The following GOLPH3L variants were observed in gnomAD, a reference collection of about 807,000 sequenced individuals.
GOLPH3L encodes Golgi phosphoprotein 3-like.
A neutral mutation model predicts 30.3 loss-of-function variants in GOLPH3L; 22 were observed. That is an observed-to-expected ratio of 0.73 (90% CI 0.52 to 1.04). GOLPH3L has a LOEUF of 1.04. Among genes scored for constraint, GOLPH3L ranks in the 50% least tolerant of loss-of-function variants. The pLI is 0.00. For synonymous variants in GOLPH3L, 120 were observed against 128.2 expected, an observed-to-expected ratio of 0.94 and a Z score of 0.43; for missense variants, 303 against 345.8, an observed-to-expected ratio of 0.88 and a Z score of 0.98.
intron 4 of GOLPH3L, among the ~76,000 whole-genome samples, chr1:150,659,572 T>C (rs1372244876): frequency 6.6e-6 from 1 of 152,174 alleles, no homozygotes; most frequent in East Asian, 1.9e-4. Context: ...AATAAATATG[T>C]GGGTAAATCT....
chr1:150,694,224 C>G, intron 2 of GOLPH3L: 1 of 406,742 alleles, frequency 2.5e-6, no homozygotes, highest in South Asian at 1.8e-5. Context: ...CTATAAGAAA[C>G]CTACCAATTG....
chr1:150,668,744 TG>T (rs1298864160), intron 2 of GOLPH3L, among the ~76,000 whole-genome samples: 3 of 152,112 alleles, frequency 2.0e-5, no homozygotes, highest in African/African-American at 7.2e-5. Context: ...GGTTAACACT[TG>T]TTTTTTTTTA....
rs1366821078 is a variant in GOLPH3L at position 150,648,102 on chromosome 1, GTTTA to G, written c.*215_*218del. On this transcript the variant is annotated 3_prime_UTR_variant, in exon 5 of 5. Transcript: ENST00000271732. ...CATTGGGTGTGTGTGGCTTCACCCA[GTTTA>G]TTTACCTATGGAGTGGAAGTGTAGG... 2.2e-6 allele frequency: 1 copy of G among 458,774 alleles called. No individual in the cohort carries two copies. The highest frequency in any genetic ancestry group is 2.0e-5 in the African/African-American group (1 of 51,052). 28.4% of individuals were successfully genotyped at this position (458,774 alleles called of 1,614,324 possible).
chr1:150,685,437 A>C (rs1478688070), intron 2 of GOLPH3L, among the ~76,000 whole-genome samples: 1 of 152,190 alleles, frequency 6.6e-6, no homozygotes, highest in East Asian at 1.9e-4. Flanking sequence ...GAATCTGGCC[A>C]GATGCAGTGG....
At chr1:150,654,733 C>G (rs1650204267) in intron 4 of GOLPH3L, among the ~76,000 whole-genome samples, 1 of 152,194 alleles carries the variant, frequency 6.6e-6, no homozygotes, top group African/African-American at 2.4e-5. Flanking sequence ...CATCCCTGTA[C>G]AATATCTGTC....
At chr1:150,657,016 AAGC>A (rs1313396154) in intron 4 of GOLPH3L, among the ~76,000 whole-genome samples, 1 of 152,200 alleles carries the variant, frequency 6.6e-6, no homozygotes, top group Non-Finnish European at 1.5e-5. Flanking sequence ...TCACCTCAAA[AAGC>A]AGAGCTTGTA....
At chr1:150,674,643 G>A (rs1650728361) in intron 2 of GOLPH3L, among the ~76,000 whole-genome samples, 2 of 151,984 alleles carry the variant, frequency 1.3e-5, no homozygotes, top group African/African-American at 4.8e-5. Context: ...GCCAAGCTGA[G>A]GCGGGAGGAT....
intron 2 of GOLPH3L, among the ~76,000 whole-genome samples, chr1:150,676,141 T>C (rs1425225228): frequency 6.6e-6 from 1 of 151,966 alleles, no homozygotes; most frequent in Non-Finnish European, 1.5e-5. Context: ...GCCTGGCTAA[T>C]TTTTGTATTT....
chr1:150,691,704 T>C (rs893261752), intron 2 of GOLPH3L, among the ~76,000 whole-genome samples: 4 of 152,212 alleles, frequency 2.6e-5, no homozygotes, highest in African/African-American at 9.6e-5. Flanking sequence ...TGATTTTGTT[T>C]ATAATTGTAC....
chr1:150,663,848 TTG>T, intron 2 of GOLPH3L, 85 bp from the exon 3 acceptor site: 2 of 1,133,930 alleles, frequency 1.8e-6, no homozygotes. Context: ...GGCCGCTTTG[TTG>T]TGATTCGTTT....
chr1:150,695,592 A>G (rs1651333789), intron 1 of GOLPH3L, among the ~76,000 whole-genome samples: 2 of 152,226 alleles, frequency 1.3e-5, no homozygotes, highest in South Asian at 4.1e-4. Flanking sequence ...TTTGTATCTA[A>G]TTTCTATAAA....
intron 4 of GOLPH3L, among the ~76,000 whole-genome samples, chr1:150,654,213 AT>A (rs1272266524): frequency 1.3e-5 from 2 of 151,992 alleles, no homozygotes; most frequent in Non-Finnish European, 2.9e-5. Flanking sequence ...AAATAAAAAA[AT>A]ATACTAGGGG....
chr1:150,693,797 A>ATATG (rs1553189135), intron 2 of GOLPH3L, among the ~76,000 whole-genome samples: 1 of 60,970 alleles, frequency 1.6e-5, no homozygotes, highest in African/African-American at 8.7e-5. Flanking sequence ...TTGTTTATGT[A>ATATG]TGTGTGTGTG....
At position 150,663,354 on chromosome 1, in the gene GOLPH3L, T is replaced by C. The variant is rs1461702538; in HGVS notation, c.315+278A>G. On this transcript the variant is annotated intron_variant, in intron 3 of 4. Coordinates refer to ENST00000271732, the MANE Select transcript of GOLPH3L (RefSeq NM_018178.6). ...TGTGCCCGGCTATTTCATAATGTTA[T>C]AGCTATAGATATAGGAGGAATTTAA... Among the ~76,000 whole-genome samples the C allele has an allele frequency of 2.6e-5, 4 of 152,130 alleles. No individual in the cohort carries two copies. In the East Asian group the frequency reaches 5.8e-4, roughly 22 times the overall value.
chr1:150,662,705 A>G (rs148048187), intron 3 of GOLPH3L, among the ~76,000 whole-genome samples: 1 of 152,336 alleles, frequency 6.6e-6, no homozygotes, highest in African/African-American at 2.4e-5. Flanking sequence ...TAGTCAGAGA[A>G]GCAAGAGAAT....
chr1:150,672,288 T>A (rs1421310236), intron 2 of GOLPH3L, among the ~76,000 whole-genome samples: 1 of 152,242 alleles, frequency 6.6e-6, no homozygotes, highest in Non-Finnish European at 1.5e-5. Context: ...TAAGAAAATT[T>A]AGTGTACTGT....
At chr1:150,681,732 C>A (rs1650953722) in intron 2 of GOLPH3L, among the ~76,000 whole-genome samples, 1 of 152,028 alleles carries the variant, frequency 6.6e-6, no homozygotes, top group Non-Finnish European at 1.5e-5. Context: ...AAAAAGAAGG[C>A]TACAAAATGA....
intron 2 of GOLPH3L, among the ~76,000 whole-genome samples, chr1:150,668,220 T>G (rs1040571289): frequency 6.6e-6 from 1 of 152,300 alleles, no homozygotes; most frequent in East Asian, 1.9e-4. Context: ...AAGCATAAAT[T>G]TATGCTTAAA....
At chr1:150,696,450 T>C (rs1651357359) in intron 1 of GOLPH3L, among the ~76,000 whole-genome samples, 1 of 152,218 alleles carries the variant, frequency 6.6e-6, no homozygotes, top group African/African-American at 2.4e-5. Flanking sequence ...AACTGTAAAC[T>C]TCTTAAGAAC....
Sources: allele counts gnomAD v4.1 joint callset (sites outside exome capture counted in the v4.1 genomes callset), GRCh38; gene constraint gnomAD v4.1.1; transcripts MANE v1.5; gene names NCBI Gene and HGNC (gene_info 2026-07-23, HGNC 2026-07-21).